The following CCDC88B variants were observed in gnomAD, a reference collection of about 807,000 sequenced individuals.
CCDC88B encodes the protein coiled-coil and HOOK domain protein 88B.
Under a neutral mutation model 183.7 loss-of-function variants are expected in CCDC88B, and 138 were observed. The observed-to-expected ratio is 0.75, with a 90% CI of 0.65 to 0.87. The LOEUF is 0.87. CCDC88B is among the 40% of genes least tolerant of loss of function. The probability of loss-of-function intolerance (pLI) is 0.00; values close to 1 mark genes in which losing one functional copy is unlikely to be tolerated. For synonymous variants in CCDC88B, 835 were observed against 867.5 expected, an observed-to-expected ratio of 0.96 and a Z score of 0.66; for missense variants, 1,822 against 1,965.6, an observed-to-expected ratio of 0.93 and a Z score of 1.38.
rs1004110757 is a variant in CCDC88B at position 64,345,041 on chromosome 11, A to G, written c.2500A>G (p.Arg834Gly). 16 of 1,548,608 alleles carry G rather than the reference A, an allele frequency of 1.0e-5. No individual in the cohort carries two copies. Among genetic ancestry groups the G allele is most frequent in the Non-Finnish European group, 1.2e-5 (14 of 1,149,220 alleles). The change falls in exon 14 of 27, where the codon AGG (arginine) becomes GGG (glycine). Residue 834 changes from arginine to glycine, a missense_variant. Transcript: ENST00000356786. ...GAGGCAGTGGGAGCGTGAGGGGTCC[A>G]GGCTGCGGGCCCAGTCGGAGGCCGC... ...ERRQWEREGS[R>G]LRAQSEAAEE...
intron 16 of CCDC88B, chr11:64,350,511 AC>A (rs1179477506): frequency 1.3e-5 from 2 of 152,044 alleles, no homozygotes; most frequent in Non-Finnish European, 2.9e-5. Context: ...TACTAAAAAT[AC>A]AACAACAACA....
Position 64,349,616 on chromosome 11 carries a change from C to T in CCDC88B, c.2810C>T (p.Ala937Val), listed in dbSNP as rs1386821523. Reference protein sequence around the residue: ...LQAAATSKEEALMELKTRALQ... With the variant: ...LQAAATSKEEVLMELKTRALQ... ...GCGGCGGCGACCAGCAAGGAGGAGG[C>T]GCTGATGGAGCTCAAGACCAGGGCC... Residue 937 changes from alanine (A) to valine (V), a missense_variant, in exon 16 of 27, where the codon GCG becomes GTG. Ala to Val is a moderately conservative substitution (Grantham distance 64). Coordinates refer to ENST00000356786, the MANE Select transcript of CCDC88B (RefSeq NM_032251.6). 12 of 1,600,782 alleles carry T rather than the reference C, an allele frequency of 7.5e-6. No individual in the cohort carries two copies. Among genetic ancestry groups the T allele is most frequent in the South Asian group, 2.3e-5 (2 of 88,490 alleles).
At chr11:64,355,153 G>A (rs773027774) in intron 24 of CCDC88B, 41 bp from the exon 25 acceptor site, 22 of 1,035,328 alleles carry the variant, frequency 2.1e-5, no homozygotes, top group Middle Eastern at 3.8e-4. Flanking sequence ...CTCAGCTCCC[G>A]TCCCCTCCTC....
At chr11:64,341,372 G>T (rs776574188) in intron 5 of CCDC88B, 44 bp downstream of exon 5, 1 of 1,613,964 alleles carries the variant, frequency 6.2e-7, no homozygotes, top group South Asian at 1.1e-5. Flanking sequence ...GAGCTTTGGC[G>T]GTAGAGGAGG....
Position 64,343,563 on chromosome 11 carries a change from G to A in CCDC88B, c.1266G>A (p.Leu422=). Residue 422 remains leucine, a synonymous_variant, in exon 12 of 27, where the codon CTG becomes CTA. Transcript: ENST00000356786. ...AGCTGGCTGAGGAGAATGTGGAGCT[G>A]GAGCTGGAGCTTCAGCGGAGCTTGG... ...VDQLAEENVE[L]ELELQRSLEP... 1 of 1,551,946 alleles carries A rather than the reference G, an allele frequency of 6.4e-7. No homozygotes were observed. Among genetic ancestry groups the A allele is most frequent in the Non-Finnish European group, 8.7e-7 (1 of 1,147,128 alleles).
chr11:64,349,247 G>T (rs1184139660), intron 14 of CCDC88B, 84 bp from the exon 15 acceptor site: 4 of 1,459,462 alleles, frequency 2.7e-6, no homozygotes, highest in Non-Finnish European at 3.6e-6. Context: ...GTCAAGGACA[G>T]AAAGGCAGCT....
rs751295122 is a variant in CCDC88B, at chr11:64,343,875, G to A, written c.1416G>A (p.Arg472=). The change falls in exon 13 of 27, where the codon CGG becomes CGA. Residue 472 remains arginine (R), a synonymous_variant. Transcript: ENST00000356786. ...TTGAGAGGGAGAACCGGGAGCTTCG[G>A]GGGCTGCTTCAGGTGCTTCAGGGGC... ...RTLERENREL[R]GLLQVLQGQP... 2.5e-6 allele frequency: 4 copies of A among 1,605,812 alleles called. No individual in the cohort carries two copies. Among genetic ancestry groups the A allele is most frequent in the Non-Finnish European group, 3.4e-6 (4 of 1,176,592 alleles).
In CCDC88B at chr11:64,357,453, TG is replaced by T. The variant is rs1213094199; in HGVS notation, c.*364del. The stretch of plus-strand genomic sequence containing the variant: ...CAGGTGGGAAGCTGAGTCCCAGTGC[TG>T]GGGGACTGTGGCCTGGGCTGATCTT... On this transcript the variant is annotated 3_prime_UTR_variant, in exon 27 of 27. Transcript: ENST00000356786. 4 of 716,938 alleles carry T rather than the reference TG, an allele frequency of 5.6e-6. No homozygotes were observed. Among genetic ancestry groups the T allele is most frequent in the Non-Finnish European group, 7.8e-6 (3 of 384,850 alleles). 44.4% of individuals were successfully genotyped at this position (716,938 alleles called of 1,614,324 possible).
At position 64,349,588 on chromosome 11, in the gene CCDC88B, C is replaced by A; in HGVS notation, c.2782C>A (p.Gln928Lys). The change falls in exon 16 of 27, where the codon CAG (glutamine) becomes AAG (lysine). Residue 928 changes from glutamine (Q) to lysine (K), a missense_variant. Coordinates refer to ENST00000356786, the MANE Select transcript of CCDC88B (RefSeq NM_032251.6). ...GLEQRLEAEL[Q>K]AAATSKEEAL... ...GGAGCAGCGGCTGGAAGCTGAGCTG[C>A]AGGCGGCGGCGACCAGCAAGGAGGA... 6.2e-7 allele frequency: 1 copy of A among 1,600,960 alleles called. No homozygotes were observed. The highest frequency in any genetic ancestry group is 8.5e-7 in the Non-Finnish European group (1 of 1,175,360).
In CCDC88B at chr11:64,343,171, C is replaced by G; in HGVS notation, c.1063-8C>G. ...CGTGGCTACCGGTTCTCCCTGCTCT[C>G]CCACCAGGAGGAGCGGGTGCTCTCG... On this transcript the variant is annotated splice_region_variant and splice_polypyrimidine_tract_variant and intron_variant, in intron 10 of 26. Coordinates refer to ENST00000356786, the MANE Select transcript of CCDC88B (RefSeq NM_032251.6). The G allele has an allele frequency of 2.0e-6, 3 of 1,524,214 alleles. No individual in the cohort carries two copies. Among genetic ancestry groups the G allele is most frequent in the Non-Finnish European group, 2.6e-6 (3 of 1,133,648 alleles). 94.4% of individuals were successfully genotyped at this position (1,524,214 alleles called of 1,614,324 possible).
Position 64,357,327 on chromosome 11 carries a change from T to C in CCDC88B, c.*233T>C, listed in dbSNP as rs2036580220. ...CCCACGAGCAGCTCCAGGCTGGAGT[T>C]CTGGTTCTTCCAGGTGGCTCCCGCT... On this transcript the variant is annotated 3_prime_UTR_variant, in exon 27 of 27. Coordinates refer to ENST00000356786, the MANE Select transcript of CCDC88B (RefSeq NM_032251.6). 2.8e-6 allele frequency: 2 copies of C among 720,932 alleles called. No homozygotes were observed. The highest frequency in any genetic ancestry group is 5.2e-6 in the Non-Finnish European group (2 of 388,126). The allele number at this position is 720,932 out of a possible 1,614,324, so 44.7% of individuals were successfully genotyped here.
rs1171862733 is a variant in CCDC88B at position 64,357,394 on chromosome 11, G to C, written c.*300G>C. On this transcript the variant is annotated 3_prime_UTR_variant, in exon 27 of 27. Transcript: ENST00000356786. Reference sequence around the variant, plus strand: ...GGGGATCCCCCAGCTGAAGGAGGCTGGCAGGAGTTGGCAAGAGAACCCCCT... The same window carrying C: ...GGGGATCCCCCAGCTGAAGGAGGCTCGCAGGAGTTGGCAAGAGAACCCCCT... The C allele has an allele frequency of 1.3e-5, 9 of 717,494 alleles. No individual in the cohort carries two copies. Among genetic ancestry groups the C allele is most frequent in the Middle Eastern group, 2.3e-4 (1 of 4,372 alleles). The allele number at this position is 717,494 out of a possible 1,614,324, so 44.4% of individuals were successfully genotyped here.
rs368644962 is a variant in CCDC88B, at chr11:64,344,975, G to C, written c.2434G>C (p.Glu812Gln). 141 of 1,549,310 alleles carry C rather than the reference G, an allele frequency of 9.1e-5. No homozygotes were observed. The African/African-American group carries it at 1.7e-3, about 19-fold the overall frequency. The part of the protein sequence containing the change: ...QELESASQER[E>Q]ALVEALAAAG... Reference sequence around the variant, plus strand: ...GCTGGAGTCTGCGTCCCAGGAACGGGAGGCGCTGGTGGAGGCGCTGGCAGC... The same window carrying C: ...GCTGGAGTCTGCGTCCCAGGAACGGCAGGCGCTGGTGGAGGCGCTGGCAGC... The change falls in exon 14 of 27, where the codon GAG becomes CAG. Residue 812 changes from glutamate (E) to glutamine (Q), a missense_variant. Physicochemically the swap from Glu to Gln is conservative, Grantham distance 29. Coordinates refer to ENST00000356786, the MANE Select transcript of CCDC88B (RefSeq NM_032251.6). The surrounding 1 kb of genome is among the most constrained non-coding windows in gnomAD (Gnocchi z 4.5).
chr11:64,354,139 G>A lies in CCDC88B; in HGVS notation c.4068G>A (p.Glu1356=), dbSNP rs2036453143. The A allele has an allele frequency of 2.2e-6, 3 of 1,374,560 alleles. No homozygotes were observed. The highest frequency in any genetic ancestry group is 2.6e-5 in the East Asian group (1 of 38,248). 85.1% of individuals were successfully genotyped at this position (1,374,560 alleles called of 1,614,324 possible). A position where few individuals can be genotyped will look rare whatever the true frequency, so the allele number is the denominator to read the frequency against. The part of the protein sequence containing the change: ...TESLGGPPET[E]LPEGREADGT... ...GCCTGGGGGGCCCCCCGGAGACGGA[G>A]CTTCCTGAGGGCAGGGAGGCAGATG... The change falls in exon 24 of 27, where the codon GAG becomes GAA. Residue 1356 remains glutamate, a synonymous_variant. Transcript: ENST00000356786.
At chr11:64,348,149 A>T (rs2036188349) in intron 14 of CCDC88B, among the ~76,000 whole-genome samples, 1 of 150,714 alleles carries the variant, frequency 6.6e-6, no homozygotes, top group Non-Finnish European at 1.5e-5. Context: ...CCTAGAATGG[A>T]CCTGTTCCAT....
intron 16 of CCDC88B, 114 bp from the exon 17 acceptor site, chr11:64,351,046 G>A (rs1158665594): frequency 4.6e-6 from 3 of 652,362 alleles, no homozygotes; most frequent in African/African-American, 1.9e-5. Context: ...GGATTGGGGC[G>A]GGGTGGACTA....
intron 19 of CCDC88B, 100 bp from the exon 20 acceptor site, chr11:64,352,644 G>A: frequency 6.5e-7 from 1 of 1,541,928 alleles, no homozygotes; most frequent in Non-Finnish European, 8.8e-7. Flanking sequence ...CCTAGGCTTA[G>A]GAGGTGACAG....
intron 17 of CCDC88B, 83 bp downstream of exon 17, chr11:64,351,338 G>T (rs1565054821): frequency 1.3e-6 from 2 of 1,499,254 alleles, no homozygotes; most frequent in Non-Finnish European, 1.8e-6. Flanking sequence ...GGGCTGGGGG[G>T]TATCCCGTGC....
chr11:64,352,023 C>G, intron 18 of CCDC88B, 107 bp from the exon 19 acceptor site: 1 of 1,446,456 alleles, frequency 6.9e-7, no homozygotes, highest in Non-Finnish European at 9.3e-7. Context: ...CTCCACAACT[C>G]TCTCATTGTC....
Sources: allele counts gnomAD v4.1 joint callset (sites outside exome capture counted in the v4.1 genomes callset), GRCh38; gene constraint gnomAD v4.1.1; non-coding constraint Gnocchi (gnomAD v3.1); transcripts MANE v1.5; gene names NCBI Gene and HGNC (gene_info 2026-07-23, HGNC 2026-07-21).